RSBN1: variants seen among roughly 807,000 people sequenced by gnomAD.
The protein encoded by RSBN1 is round spermatid basic protein 1.
A neutral mutation model predicts 74.8 loss-of-function variants in RSBN1; 23 were observed. The observed-to-expected ratio is 0.31, with a 90% confidence interval of 0.22 to 0.44. RSBN1 has a LOEUF of 0.44. Among genes scored for constraint, RSBN1 ranks in the 20% least tolerant of loss-of-function variants. RSBN1 has a pLI of 1.00. For synonymous variants in RSBN1, 407 were observed against 379.6 expected (o/e 1.07, Z -0.84); for missense variants, 808 against 1,020.9 (o/e 0.79, Z 2.84).
rs113663525 is a variant in RSBN1, at chr1:113,810,384, AAC to A, written c.703+1324_703+1325del. 9.4e-3 allele frequency among the ~76,000 whole-genome samples: 1,377 copies of A among 146,514 alleles called. 13 individuals carry two copies. Among genetic ancestry groups the A allele is most frequent in the African/African-American group, 0.024 (975 of 39,884 alleles). On this transcript the variant is annotated intron_variant, in intron 1 of 6. Coordinates refer to ENST00000261441, the MANE Select transcript of RSBN1 (RefSeq NM_018364.5). ...ATTCCCTCTAGTTCTGTACAGTTAA[AAC>A]ACACACACACACACACACACACACA...
rs565544119 is a variant in RSBN1 at position 113,772,389 on chromosome 1, T to C, written c.1659-4000A>G. On this transcript the variant is annotated intron_variant, in intron 4 of 6. Transcript: ENST00000261441. Reference sequence around the variant, plus strand: ...TATTATATACACAAGATTAAAAAAATTTTTAATTAAAAAAAAACCCTGCCA... The same window carrying C: ...TATTATATACACAAGATTAAAAAAACTTTTAATTAAAAAAAAACCCTGCCA... Among the ~76,000 whole-genome samples, 5 of 152,092 alleles carry C rather than the reference T, an allele frequency of 3.3e-5. No homozygotes were observed. The South Asian group carries it at 8.3e-4, about 25-fold the overall frequency.
intron 2 of RSBN1, among the ~76,000 whole-genome samples, chr1:113,779,909 T>C (rs1660104143): frequency 6.6e-6 from 1 of 151,914 alleles, no homozygotes; most frequent in African/African-American, 2.4e-5. Context: ...TAGTCCCAGA[T>C]ACTCGGGAGG....
At chr1:113,807,434 C>T (rs558647030) in intron 1 of RSBN1, among the ~76,000 whole-genome samples, 27 of 151,430 alleles carry the variant, frequency 1.8e-4, no homozygotes, top group Non-Finnish European at 3.5e-4. Context: ...CTGTGATCTA[C>T]AAAAAATTAT....
chr1:113,769,092 C>A (rs1285144555), intron 4 of RSBN1, among the ~76,000 whole-genome samples: 1 of 152,120 alleles, frequency 6.6e-6, no homozygotes, highest in Non-Finnish European at 1.5e-5. Flanking sequence ...AAAACCTAAT[C>A]AGCATGATAA....
At chr1:113,770,668 C>A (rs529611171) in intron 4 of RSBN1, among the ~76,000 whole-genome samples, 1 of 152,184 alleles carries the variant, frequency 6.6e-6, no homozygotes, top group South Asian at 2.1e-4. Context: ...ACAAGACTCA[C>A]CAAAATATAA....
chr1:113,806,780 C>T (rs982511409), intron 1 of RSBN1, among the ~76,000 whole-genome samples: 1 of 142,840 alleles, frequency 7.0e-6, no homozygotes, highest in African/African-American at 2.6e-5. Flanking sequence ...GCGGGAGGAT[C>T]ACTTAAGCCC....
chr1:113,799,889 A>G (rs1007145048), intron 1 of RSBN1, among the ~76,000 whole-genome samples: 1 of 152,166 alleles, frequency 6.6e-6, no homozygotes, highest in African/African-American at 2.4e-5. Flanking sequence ...ACGAACCTTC[A>G]AGTTTGGTCT....
chr1:113,804,406 C>T (rs1339445401), intron 1 of RSBN1, among the ~76,000 whole-genome samples: 1 of 152,146 alleles, frequency 6.6e-6, no homozygotes, highest in Non-Finnish European at 1.5e-5. Context: ...TATATTAGGT[C>T]ACAAAGCTAG....
At chr1:113,775,245 G>A (rs954240039) in intron 4 of RSBN1, among the ~76,000 whole-genome samples, 6 of 151,876 alleles carry the variant, frequency 4.0e-5, no homozygotes, top group African/African-American at 4.8e-5. Context: ...GGATGGTCTC[G>A]AACTCCTGAC....
chr1:113,786,665 C>T (rs558178783), intron 2 of RSBN1, among the ~76,000 whole-genome samples: 1 of 152,108 alleles, frequency 6.6e-6, no homozygotes, highest in African/African-American at 2.4e-5. Context: ...ACTAAATTTG[C>T]GTTGTTTTAA....
intron 4 of RSBN1, among the ~76,000 whole-genome samples, chr1:113,769,401 A>G (rs1444861997): frequency 6.6e-6 from 1 of 152,042 alleles, no homozygotes; most frequent in Non-Finnish European, 1.5e-5. Flanking sequence ...CTCCTTCTAC[A>G]TTAAAATGAA....
At position 113,812,401 on chromosome 1, in the gene RSBN1, A is replaced by G; in HGVS notation, c.12T>C (p.Ser4=). 2 of 1,598,454 alleles carry G rather than the reference A, an allele frequency of 1.3e-6. No individual in the cohort carries two copies. The highest frequency in any genetic ancestry group is 1.7e-6 in the Non-Finnish European group (2 of 1,178,006). MFI[S]GRRTADKWRA... ...TCCACTTGTCGGCCGTTCTTCGTCC[A>G]GAGATGAACATGCCGGAAGCGGCCG... is the stretch of plus-strand genomic sequence containing the variant. The change falls in exon 1 of 7, where the codon TCT becomes TCC. Residue 4 remains serine (S), a synonymous_variant. Coordinates refer to ENST00000261441, the MANE Select transcript of RSBN1 (RefSeq NM_018364.5).
intron 4 of RSBN1, among the ~76,000 whole-genome samples, chr1:113,773,151 T>C (rs1659914344): frequency 6.6e-6 from 1 of 152,056 alleles, no homozygotes; most frequent in Admixed American, 6.5e-5. Context: ...AACACCAAAA[T>C]AGAAACATGT....
chr1:113,812,375 C>A lies in RSBN1; in HGVS notation c.38G>T (p.Arg13Met). 6.2e-7 allele frequency: 1 copy of A among 1,602,360 alleles called. No individual in the cohort carries two copies. The highest frequency in any genetic ancestry group is 1.7e-4 in the Middle Eastern group (1 of 6,058). Reference protein sequence around the residue: ...ISGRRTADKWRAEERLQCPAG... With the variant: ...ISGRRTADKWMAEERLQCPAG... ...TGGGCATTGGAGTCTCTCCTCCGCC[C>A]TCCACTTGTCGGCCGTTCTTCGTCC... The change falls in exon 1 of 7, where the codon AGG (arginine) becomes ATG (methionine). Residue 13 changes from arginine (R) to methionine (M), a missense_variant. Transcript: ENST00000261441.
At chr1:113,804,407 A>G (rs1264633027) in intron 1 of RSBN1, among the ~76,000 whole-genome samples, 1 of 152,232 alleles carries the variant, frequency 6.6e-6, no homozygotes, top group Non-Finnish European at 1.5e-5. Flanking sequence ...ATATTAGGTC[A>G]CAAAGCTAGT....
intron 4 of RSBN1, among the ~76,000 whole-genome samples, chr1:113,771,932 TA>T (rs112199321): frequency 6.6e-5 from 10 of 151,510 alleles, no homozygotes; most frequent in East Asian, 3.8e-4. Context: ...GACTTTTTTT[TA>T]AAAGAAGTTA....
chr1:113,773,220 C>T (rs1474742231), intron 4 of RSBN1, among the ~76,000 whole-genome samples: 2 of 152,162 alleles, frequency 1.3e-5, no homozygotes, highest in African/African-American at 4.8e-5. Flanking sequence ...CAAAAAACAG[C>T]AAATTAAAAT....
At chr1:113,790,027 CATG>C (rs1315155153) in intron 2 of RSBN1, among the ~76,000 whole-genome samples, 1 of 151,672 alleles carries the variant, frequency 6.6e-6, no homozygotes. Flanking sequence ...GATAAAACGA[CATG>C]ATAAGCCACA....
chr1:113,807,209 G>A (rs1047512634), intron 1 of RSBN1, among the ~76,000 whole-genome samples: 97 of 151,776 alleles, frequency 6.4e-4, no homozygotes, highest in African/African-American at 2.2e-3. Context: ...AGCTACTCGG[G>A]AGGCTGACAT....
Sources: gnomAD v4.1 joint callset for allele counts (sites outside exome capture counted in the v4.1 genomes callset) on GRCh38, gnomAD v4.1.1 for gene constraint, MANE v1.5 for transcripts, NCBI Gene and HGNC (gene_info 2026-07-23, HGNC 2026-07-21) for gene names.